GRM8: variants seen among roughly 807,000 people sequenced by gnomAD.
The protein encoded by GRM8 is metabotropic glutamate receptor 8.
In GRM8, 47 loss-of-function variants were observed where a neutral mutation model predicts 87.2. The ratio of observed to expected loss-of-function variants is 0.54; its 90% CI spans 0.43 to 0.69. The LOEUF (loss-of-function observed/expected upper bound fraction) is 0.69, where lower values mean the gene tolerates loss of function less well. Ranked by LOEUF, GRM8 falls within the 30% of genes least tolerant of loss-of-function variation. GRM8 has a pLI of 0.00. For synonymous variants in GRM8, 396 were observed against 404.5 expected (o/e 0.98, Z 0.25); for missense variants, 1,019 against 1,139.2 (o/e 0.89, Z 1.52).
At chr7:126,806,156 G>A (rs1475767166) in intron 6 of GRM8, among the ~76,000 whole-genome samples, 1 of 152,192 alleles carries the variant, frequency 6.6e-6, no homozygotes, top group Non-Finnish European at 1.5e-5. Flanking sequence ...TCCTTCAGAT[G>A]TTCAGATGTG....
At chr7:126,917,443 T>C (rs1360080869) in intron 3 of GRM8, among the ~76,000 whole-genome samples, 2 of 152,072 alleles carry the variant, frequency 1.3e-5, no homozygotes, top group Non-Finnish European at 2.9e-5. Context: ...TTTTCCTTAA[T>C]GAAAGATCTA....
rs1331223940 is a variant in GRM8, at chr7:126,783,032, C to T, written c.1157-12967G>A. On this transcript the variant is annotated intron_variant, in intron 6 of 10. Coordinates refer to ENST00000339582, the MANE Select transcript of GRM8 (RefSeq NM_000845.3). ...TCAATCAGCCTCTGCTTCTATCAGA[C>T]ATCTTCAGGGATGCAAACTGTATAC... Among the ~76,000 whole-genome samples the T allele has an allele frequency of 3.3e-5, 5 of 152,280 alleles. No homozygotes were observed. In the East Asian group the frequency reaches 7.7e-4, roughly 24 times the overall value.
rs185191680 is a variant in GRM8 at position 126,547,564 on chromosome 7, T to A, written c.1495-13677A>T. On this transcript the variant is annotated intron_variant, in intron 8 of 10. Transcript: ENST00000339582. Reference sequence around the variant, plus strand: ...CAGAAATGAAGACTCAATAGAATAATTTGAAGGTAAAGCTGAGATAATCTC... The same window carrying A: ...CAGAAATGAAGACTCAATAGAATAAATTGAAGGTAAAGCTGAGATAATCTC... Among the ~76,000 whole-genome samples the A allele has an allele frequency of 3.1e-3, 477 of 151,886 alleles. 3 individuals are homozygous for A. The highest frequency in any genetic ancestry group is 0.011 in the African/African-American group (453 of 41,468).
chr7:127,026,723 T>C (rs897463762), intron 3 of GRM8, among the ~76,000 whole-genome samples: 1 of 152,208 alleles, frequency 6.6e-6, no homozygotes, highest in Non-Finnish European at 1.5e-5. Flanking sequence ...AAGTTCTTTG[T>C]AGATTCTGGA....
chr7:127,118,549 T>C (rs17869250), intron 2 of GRM8, among the ~76,000 whole-genome samples: 15,568 of 152,306 alleles, frequency 0.1, 2,678 homozygotes, highest in African/African-American at 0.35. Context: ...CATGTGTACA[T>C]GTTCATTTTG....
At chr7:126,649,717 G>A (rs1803580355) in intron 7 of GRM8, among the ~76,000 whole-genome samples, 1 of 152,116 alleles carries the variant, frequency 6.6e-6, no homozygotes, top group Non-Finnish European at 1.5e-5. Context: ...ATTTGATTTG[G>A]AGGCAATACA....
chr7:127,071,554 C>T (rs753381094), intron 3 of GRM8, among the ~76,000 whole-genome samples: 1 of 152,168 alleles, frequency 6.6e-6, no homozygotes, highest in African/African-American at 2.4e-5. Flanking sequence ...TTTATTAGCC[C>T]CTGACGGGGG....
At chr7:126,826,035 A>G (rs1794754788) in intron 6 of GRM8, among the ~76,000 whole-genome samples, 1 of 152,052 alleles carries the variant, frequency 6.6e-6, no homozygotes, top group Non-Finnish European at 1.5e-5. Flanking sequence ...CCATGTCCCT[A>G]CAAAGGACAT....
At chr7:126,775,508 T>TTA (rs1819365841) in intron 6 of GRM8, among the ~76,000 whole-genome samples, 1 of 137,208 alleles carries the variant, frequency 7.3e-6, no homozygotes, top group Non-Finnish European at 1.6e-5. Context: ...TTTTTTTTTT[T>TTA]ACTAAATTTA....
intron 7 of GRM8, among the ~76,000 whole-genome samples, chr7:126,717,026 C>G (rs972046967): frequency 6.6e-6 from 1 of 152,100 alleles, no homozygotes; most frequent in African/African-American, 2.4e-5. Flanking sequence ...AAACTTTTCC[C>G]TGAAGAAATA....
chr7:127,132,098 C>A (rs1412327163), intron 2 of GRM8, among the ~76,000 whole-genome samples: 6 of 152,192 alleles, frequency 3.9e-5, no homozygotes, highest in Non-Finnish European at 7.3e-5. Context: ...CTATGGCAAG[C>A]TACAATCAGC....
intron 3 of GRM8, among the ~76,000 whole-genome samples, chr7:127,059,455 G>A (rs1820398275): frequency 6.6e-6 from 1 of 151,262 alleles, no homozygotes. Context: ...TCCTGCCTCA[G>A]CCTCCTGAGT....
At chr7:126,498,319 G>A (rs1460129515) in intron 9 of GRM8, among the ~76,000 whole-genome samples, 2 of 151,952 alleles carry the variant, frequency 1.3e-5, no homozygotes, top group East Asian at 1.9e-4. Flanking sequence ...ATGATAAACT[G>A]TGTGGGATCA....
rs576863430 is a variant in GRM8 at position 126,588,252 on chromosome 7, A to G, written c.1494+21110T>C. On this transcript the variant is annotated intron_variant, in intron 8 of 10. Coordinates refer to ENST00000339582, the MANE Select transcript of GRM8 (RefSeq NM_000845.3). ...AGAGACAATTTTAATGAAGTCTTGGATACTCAGTAAGAGTTTGGTTCTAGT... is the reference window on the plus strand; with the variant it reads ...AGAGACAATTTTAATGAAGTCTTGGGTACTCAGTAAGAGTTTGGTTCTAGT... Among the ~76,000 whole-genome samples the G allele has an allele frequency of 2.0e-5, 3 of 152,312 alleles. No individual in the cohort carries two copies. The South Asian group carries it at 6.2e-4, about 32-fold the overall frequency.
At chr7:126,626,629 A>T (rs1379604552) in intron 7 of GRM8, among the ~76,000 whole-genome samples, 3 of 152,090 alleles carry the variant, frequency 2.0e-5, no homozygotes, top group Non-Finnish European at 2.9e-5. Context: ...TAAATTACTA[A>T]AGTTTTATAA....
chr7:127,187,818 T>C (rs2116460773), intron 2 of GRM8, among the ~76,000 whole-genome samples: 1 of 152,336 alleles, frequency 6.6e-6, no homozygotes, highest in East Asian at 1.9e-4. Context: ...ATCATCTTCC[T>C]GTTCACCAGG....
chr7:126,860,180 A>C (rs1798033678), intron 6 of GRM8, among the ~76,000 whole-genome samples: 1 of 152,164 alleles, frequency 6.6e-6, no homozygotes, highest in Admixed American at 6.5e-5. Context: ...TCATTTTCTG[A>C]ATCTTATACT....
At chr7:126,632,902 G>A (rs759939661) in intron 7 of GRM8, among the ~76,000 whole-genome samples, 1 of 152,126 alleles carries the variant, frequency 6.6e-6, no homozygotes, top group East Asian at 1.9e-4. Context: ...TAGGAGGAGC[G>A]AGAGCATGAT....
intron 7 of GRM8, among the ~76,000 whole-genome samples, chr7:126,624,897 C>T (rs1217162513): frequency 6.6e-6 from 1 of 152,198 alleles, no homozygotes; most frequent in African/African-American, 2.4e-5. Flanking sequence ...TTACATTAGG[C>T]TGGATTCCAG....
Sources: gnomAD v4.1 joint callset for allele counts (sites outside exome capture counted in the v4.1 genomes callset) on GRCh38, gnomAD v4.1.1 for gene constraint, MANE v1.5 for transcripts, NCBI Gene and HGNC (gene_info 2026-07-23, HGNC 2026-07-21) for gene names.